The following LRRC7 variants were observed in gnomAD, a reference collection of about 807,000 sequenced individuals.
LRRC7 encodes the protein leucine-rich repeat-containing protein 7.
A neutral mutation model predicts 175.7 loss-of-function variants in LRRC7; 23 were observed. The observed-to-expected ratio is 0.13, with a 90% CI of 0.09 to 0.19. The LOEUF is 0.19. LRRC7 is among the 10% of genes least tolerant of loss of function. The pLI is 1.00. For missense variants in LRRC7, 1,354 were observed against 1,904.7 expected (o/e 0.71, Z 5.38); for synonymous variants, 685 against 680.9 (o/e 1.01, Z -0.09).
chr1:69,568,758 G>A lies in LRRC7; in HGVS notation c.2+117G>A, dbSNP rs575142555. ...CGGCCGGGGGCGGGGGTGGCAGGGC[G>A]GGAGGCTTCGGCGCTCGCGGGGAGC... On this transcript the variant is annotated intron_variant, in intron 1 of 26. Transcript: ENST00000651989. 8.2e-4 allele frequency: 517 copies of A among 630,998 alleles called. 8 individuals carry two copies. The African/African-American group carries it at 9.7e-3, about 12-fold the overall frequency. 39.1% of individuals were successfully genotyped at this position (630,998 alleles called of 1,614,324 possible). A position where few individuals can be genotyped will look rare whatever the true frequency, so the allele number is the denominator to read the frequency against.
intron 1 of LRRC7, among the ~76,000 whole-genome samples, chr1:69,652,066 A>T (rs1029277395): frequency 6.6e-6 from 1 of 152,214 alleles, no homozygotes. Flanking sequence ...AACTGGTAAT[A>T]GTCTTGCCTT....
At chr1:69,888,489 C>T (rs547079219) in intron 7 of LRRC7, among the ~76,000 whole-genome samples, 20 of 152,038 alleles carry the variant, frequency 1.3e-4, no homozygotes, top group African/African-American at 2.9e-4. Flanking sequence ...GCACGGTGCG[C>T]GCACCCACTG....
intron 14 of LRRC7, 26 bp from the exon 15 acceptor site, chr1:70,018,693 C>T (rs1461813180): frequency 2.0e-6 from 3 of 1,526,504 alleles, no homozygotes; most frequent in South Asian, 2.3e-5. Context: ...TTGTATTCAT[C>T]TAATTTGTAT....
intron 1 of LRRC7, among the ~76,000 whole-genome samples, chr1:69,629,910 C>G (rs1296631697): frequency 6.6e-6 from 1 of 152,158 alleles, no homozygotes; most frequent in Non-Finnish European, 1.5e-5. Flanking sequence ...CAACTCTCAA[C>G]AGCTGAGCTA....
At chr1:69,948,979 A>G (rs985831407) in intron 8 of LRRC7, among the ~76,000 whole-genome samples, 1 of 152,162 alleles carries the variant, frequency 6.6e-6, no homozygotes, top group Admixed American at 6.6e-5. Flanking sequence ...GATAACTCTA[A>G]GTACTAAGCC....
At chr1:70,089,087 C>G (rs545603210) in intron 24 of LRRC7, among the ~76,000 whole-genome samples, 7 of 152,214 alleles carry the variant, frequency 4.6e-5, no homozygotes, top group African/African-American at 1.7e-4. Flanking sequence ...CACTATTCTC[C>G]CCTTTCTTCT....
chr1:69,754,910 G>A lies in LRRC7; in HGVS notation c.101-5281G>A, dbSNP rs533087101. Among the ~76,000 whole-genome samples, 7 of 152,076 alleles carry A rather than the reference G, an allele frequency of 4.6e-5. No homozygotes were observed. The South Asian group carries it at 1.2e-3, about 27-fold the overall frequency. ...GAAAAATGAAGTGAGAGTTGGGAAA[G>A]CTGAATGATATTGTAAAGAAAAAAA... is the stretch of plus-strand genomic sequence containing the variant. On this transcript the variant is annotated intron_variant, in intron 2 of 26. Coordinates refer to ENST00000651989, the MANE Select transcript of LRRC7 (RefSeq NM_001370785.2).
intron 3 of LRRC7, among the ~76,000 whole-genome samples, chr1:69,775,077 T>A (rs924595944): frequency 2.6e-5 from 4 of 152,114 alleles, no homozygotes; most frequent in Admixed American, 2.0e-4. Flanking sequence ...AGGGATTAGT[T>A]CTTTGGTAGA....
chr1:69,878,058 A>G (rs1686204315), intron 7 of LRRC7, among the ~76,000 whole-genome samples: 1 of 152,184 alleles, frequency 6.6e-6, no homozygotes, highest in Admixed American at 6.5e-5. Flanking sequence ...CAGTTATGTG[A>G]AAGTAGAAGA....
intron 10 of LRRC7, among the ~76,000 whole-genome samples, chr1:69,986,953 G>A (rs1309072437): frequency 1.3e-5 from 2 of 152,072 alleles, no homozygotes; most frequent in East Asian, 1.9e-4. Context: ...GTTTAAGGAT[G>A]TTTACATGGG....
At chr1:70,088,719 TCTC>T (rs1663796518) in intron 24 of LRRC7, among the ~76,000 whole-genome samples, 2 of 152,130 alleles carry the variant, frequency 1.3e-5, no homozygotes, top group South Asian at 4.1e-4. Flanking sequence ...CACATACACA[TCTC>T]CTGCTCAGGG....
At chr1:69,857,888 GC>G (rs1263716147) in intron 7 of LRRC7, among the ~76,000 whole-genome samples, 31 of 152,104 alleles carry the variant, frequency 2.0e-4, no homozygotes, top group African/African-American at 7.5e-4. Flanking sequence ...AACCAAAACA[GC>G]ATGGTACTCG....
chr1:69,619,617 T>A (rs1038624577), intron 1 of LRRC7, among the ~76,000 whole-genome samples: 7 of 152,170 alleles, frequency 4.6e-5, no homozygotes, highest in African/African-American at 1.4e-4. Flanking sequence ...TTTCATTAAT[T>A]TCCCCCCAAA....
chr1:70,012,336 A>T (rs1252365734), intron 12 of LRRC7, among the ~76,000 whole-genome samples: 1 of 151,832 alleles, frequency 6.6e-6, no homozygotes, highest in Non-Finnish European at 1.5e-5. Flanking sequence ...TAACTTCTGG[A>T]TCCACCAAGA....
chr1:69,865,372 C>T (rs1219660183), intron 7 of LRRC7, among the ~76,000 whole-genome samples: 1 of 149,412 alleles, frequency 6.7e-6, no homozygotes, highest in Non-Finnish European at 1.5e-5. Context: ...CTAAGGTGAA[C>T]TTTTGAAGTG....
Position 69,787,660 on chromosome 1 carries a change from G to A in LRRC7, c.304-4383G>A, listed in dbSNP as rs569196249. On this transcript the variant is annotated intron_variant, in intron 3 of 26. Transcript: ENST00000651989. The stretch of plus-strand genomic sequence containing the variant: ...GTTGGCCCCTTTCTGCACATAGCAC[G>A]GGGCCCTGGGCCTGTGGTGGGAGAG... Among the ~76,000 whole-genome samples the A allele has an allele frequency of 1.2e-3, 177 of 152,300 alleles. 1 individual carries two copies. The highest frequency in any genetic ancestry group is 1.4e-3 in the Non-Finnish European group (95 of 68,016).
chr1:69,955,735 T>A (rs12033628), intron 8 of LRRC7, among the ~76,000 whole-genome samples: 10,785 of 151,970 alleles, frequency 0.071, 407 homozygotes, highest in South Asian at 0.11. Context: ...GTGTGATGAA[T>A]CCAAGCAATT....
intron 4 of LRRC7, among the ~76,000 whole-genome samples, chr1:69,814,652 A>G (rs1205700959): frequency 6.6e-6 from 1 of 152,170 alleles, no homozygotes. Context: ...ACTTTTAACT[A>G]CTACTATTTC....
At chr1:69,975,694 T>C (rs1424721797) in intron 8 of LRRC7, among the ~76,000 whole-genome samples, 1 of 152,202 alleles carries the variant, frequency 6.6e-6, no homozygotes, top group East Asian at 1.9e-4. Context: ...CATTTCCTAC[T>C]TCATCAAGAA....
Sources: gnomAD v4.1 joint callset for allele counts (sites outside exome capture counted in the v4.1 genomes callset) on GRCh38, gnomAD v4.1.1 for gene constraint, MANE v1.5 for transcripts, NCBI Gene and HGNC (gene_info 2026-07-23, HGNC 2026-07-21) for gene names.